Variants in MMP28 observed in about 807,000 individuals in gnomAD.
MMP28 encodes the protein matrix metallopeptidase 28.
A neutral mutation model predicts 60.5 loss-of-function variants in MMP28; 55 were observed. The ratio of observed to expected loss-of-function variants is 0.91; its 90% CI spans 0.73 to 1.14. MMP28 has a LOEUF of 1.14. MMP28 is among the 50% of genes most tolerant of loss of function. The probability of loss-of-function intolerance (pLI) is 0.00; values close to 1 mark genes in which losing one functional copy is unlikely to be tolerated. For synonymous variants in MMP28, 318 were observed against 312.5 expected, an observed-to-expected ratio of 1.02 and a Z score of -0.18; for missense variants, 686 against 738.3, an observed-to-expected ratio of 0.93 and a Z score of 0.82.
chr17:35,780,119 A>C (rs995557608), intron 1 of MMP28, among the ~76,000 whole-genome samples: 1 of 151,826 alleles, frequency 6.6e-6, no homozygotes, highest in African/African-American at 2.4e-5. Context: ...CCCAGGCTGG[A>C]GTGCAATGGT....
intron 1 of MMP28, among the ~76,000 whole-genome samples, chr17:35,786,061 T>TG (rs199579579): frequency 0.08 from 12,145 of 151,578 alleles, 743 homozygotes; most frequent in South Asian, 0.17. Context: ...TTCTTGTTTT[T>TG]TTTTTTTTTT....
rs1466266639 is a variant in MMP28, at chr17:35,774,961, C to T, written c.380-1557G>A. Among the ~76,000 whole-genome samples, 6 of 152,272 alleles carry T rather than the reference C, an allele frequency of 3.9e-5. No individual in the cohort carries two copies. The South Asian group carries it at 1.0e-3, about 26-fold the overall frequency. ...CGGTCTCCCAGGCTCTTTCTTTCCC[C>T]TCACAAACCTCTAATCCATTAGCAT... On this transcript the variant is annotated intron_variant, in intron 3 of 7. Coordinates refer to ENST00000605424, the MANE Select transcript of MMP28 (RefSeq NM_024302.5).
chr17:35,768,255 G>A lies in MMP28; in HGVS notation c.975C>T (p.His325=). The A allele has an allele frequency of 6.2e-7, 1 of 1,610,008 alleles. No homozygotes were observed. The highest frequency in any genetic ancestry group is 1.1e-5 in the South Asian group (1 of 90,792). The change falls in exon 6 of 8, where the codon CAC becomes CAT. Residue 325 remains histidine, a synonymous_variant. Coordinates refer to ENST00000605424, the MANE Select transcript of MMP28 (RefSeq NM_024302.5). The part of the protein sequence containing the change: ...RPETQGPKYC[H]SSFDAITVDR... ...CTACAGTGATGGCATCGAAGGAAGA[G>A]TGGCAGTATTTAGGGCCCTGCGTTT...
In MMP28 at chr17:35,770,159, G is replaced by A. The variant is rs775131064; in HGVS notation, c.758C>T (p.Ala253Val). Reference sequence around the variant, plus strand: ...GTAGGGCGCCATGAGCGCGCGCGGCGCGGGCGAGTGGGTGAGGCCAAGCGT... The same window carrying A: ...GTAGGGCGCCATGAGCGCGCGCGGCACGGGCGAGTGGGTGAGGCCAAGCGT... ...GHTLGLTHSP[A>V]PRALMAPYYK... Residue 253 changes from alanine to valine, a missense_variant, in exon 5 of 8, where the codon GCG (alanine) becomes GTG (valine). Coordinates refer to ENST00000605424, the MANE Select transcript of MMP28 (RefSeq NM_024302.5). The A allele has an allele frequency of 3.0e-5, 49 of 1,607,216 alleles. No individual in the cohort carries two copies. Among genetic ancestry groups the A allele is most frequent in the Non-Finnish European group, 4.2e-5 (49 of 1,178,132 alleles).
chr17:35,795,103 GA>G (rs1367131884), intron 1 of MMP28, among the ~76,000 whole-genome samples, 163 bp downstream of exon 1: 1 of 152,240 alleles, frequency 6.6e-6, no homozygotes, highest in Non-Finnish European at 1.5e-5. Context: ...CTGGCACGGG[GA>G]AAAAACTGCC....
At chr17:35,774,184 T>C (rs2086255733) in intron 3 of MMP28, among the ~76,000 whole-genome samples, 1 of 152,218 alleles carries the variant, frequency 6.6e-6, no homozygotes, top group African/African-American at 2.4e-5. Context: ...TCTGGCCTCT[T>C]ACCCCAGCCC....
chr17:35,774,697 G>A (rs556351147), intron 3 of MMP28, among the ~76,000 whole-genome samples: 3 of 152,128 alleles, frequency 2.0e-5, no homozygotes, highest in South Asian at 2.1e-4. Context: ...AGGCAATGCC[G>A]CCTCCCTGGG....
intron 1 of MMP28, among the ~76,000 whole-genome samples, chr17:35,784,639 T>C (rs905639870): frequency 3.3e-5 from 5 of 152,078 alleles, no homozygotes; most frequent in African/African-American, 1.2e-4. Flanking sequence ...AGTGGCAGCA[T>C]GACAAAGGGA....
downstream of MMP28, chr17:35,764,412 G>C (rs1029506653): frequency 3.3e-6 from 5 of 1,520,364 alleles, no homozygotes; most frequent in Non-Finnish European, 4.4e-6. Context: ...TGAGCGCCTG[G>C]TCCCCGCCGG....
chr17:35,762,210 G>A (rs901394306), downstream of MMP28, among the ~76,000 whole-genome samples: 1 of 151,942 alleles, frequency 6.6e-6, no homozygotes, highest in Non-Finnish European at 1.5e-5. Flanking sequence ...GGCTGGTCTC[G>A]AACTCCCGAC....
In MMP28 at chr17:35,770,308, G is replaced by A. The variant is rs2086090360; in HGVS notation, c.609C>T (p.Gly203=). The A allele has an allele frequency of 2.0e-6, 3 of 1,511,016 alleles. No homozygotes were observed. The highest frequency in any genetic ancestry group is 2.6e-6 in the Non-Finnish European group (3 of 1,138,348). The allele number at this position is 1,511,016 out of a possible 1,614,324, so 93.6% of individuals were successfully genotyped here. The part of the protein sequence containing the change: ...GLGNAFDGPG[G]ALAHAFLPRR... ...GGGGCAGGAAGGCGTGCGCCAGGGCGCCCCCTGCAGGTGGGGCAGAAGGTC... is the reference window on the plus strand; with the variant it reads ...GGGGCAGGAAGGCGTGCGCCAGGGCACCCCCTGCAGGTGGGGCAGAAGGTC... Residue 203 remains glycine (G), a synonymous_variant, in exon 5 of 8, where the codon GGC becomes GGT. Transcript: ENST00000605424.
chr17:35,778,795 G>C, intron 3 of MMP28, 93 bp downstream of exon 3: 1 of 1,607,884 alleles, frequency 6.2e-7, no homozygotes, highest in Non-Finnish European at 8.5e-7. Context: ...AGAGGTTACT[G>C]ACAAAGTCCA....
intron 2 of MMP28, among the ~76,000 whole-genome samples, chr17:35,759,952 G>C (rs1331383277): frequency 6.6e-6 from 1 of 152,200 alleles, no homozygotes; most frequent in African/African-American, 2.4e-5. Context: ...ATGGTAGCTT[G>C]CAAATAGGAT....
downstream of MMP28, chr17:35,764,694 C>G: frequency 6.9e-7 from 1 of 1,442,790 alleles, no homozygotes; most frequent in Non-Finnish European, 9.2e-7. Context: ...TCTCTTGGAG[C>G]GCGGAGCCCT....
intron 4 of MMP28, among the ~76,000 whole-genome samples, chr17:35,772,709 C>T (rs1193548188): frequency 6.6e-6 from 1 of 152,158 alleles, no homozygotes; most frequent in South Asian, 2.1e-4. Flanking sequence ...CTATCTGTGG[C>T]GTAGGTATAT....
downstream of MMP28, among the ~76,000 whole-genome samples, chr17:35,761,758 A>C (rs1230975633): frequency 6.6e-6 from 1 of 152,084 alleles, no homozygotes; most frequent in African/African-American, 2.4e-5. Context: ...GCGGCTCCTC[A>C]CTGCTGAGAG....
intron 4 of MMP28, among the ~76,000 whole-genome samples, chr17:35,771,476 A>T (rs1555605663): frequency 6.8e-6 from 1 of 146,778 alleles, no homozygotes; most frequent in African/African-American, 2.5e-5. Flanking sequence ...AAGATCTAGG[A>T]GTAGGTAGAG....
Position 35,770,262 on chromosome 17 carries a change from C to T in MMP28, c.655G>A (p.Asp219Asn), listed in dbSNP as rs1555605078. 1 of 1,578,944 alleles carries T rather than the reference C, an allele frequency of 6.3e-7. No homozygotes were observed. Among genetic ancestry groups the T allele is most frequent in the East Asian group, 2.3e-5 (1 of 43,678 alleles). The change falls in exon 5 of 8, where the codon GAC becomes AAC. Residue 219 changes from aspartate (D) to asparagine (N), a missense_variant. Coordinates refer to ENST00000605424, the MANE Select transcript of MMP28 (RefSeq NM_024302.5). ...CTCAGGGACCAGCGCTCATCTTGGT[C>T]GAAGTGCGCTTCGCCGCGGCGGGGC... ...FLPRRGEAHFDQDERWSLSRR... is the reference protein window; with the variant it reads ...FLPRRGEAHFNQDERWSLSRR...
intron 1 of MMP28, 142 bp downstream of exon 1, chr17:35,795,125 T>C (rs1279071445): frequency 3.9e-6 from 2 of 518,132 alleles, no homozygotes; most frequent in Non-Finnish European, 6.2e-6. Context: ...CGGCTCTTTA[T>C]GTTCAAGTGC....
Sources: gnomAD v4.1 joint callset for allele counts (sites outside exome capture counted in the v4.1 genomes callset) on GRCh38, gnomAD v4.1.1 for gene constraint, MANE v1.5 for transcripts, NCBI Gene and HGNC (gene_info 2026-07-23, HGNC 2026-07-21) for gene names.